PCDHA5: variants seen among roughly 807,000 people sequenced by gnomAD.
PCDHA5 encodes protocadherin alpha-5.
PCDHA5 carries 43 observed loss-of-function variants against 61.6 expected under a neutral mutation model. The ratio of observed to expected loss-of-function variants is 0.70; its 90% confidence interval spans 0.55 to 0.90. PCDHA5 has a LOEUF of 0.90. Ranked by LOEUF, PCDHA5 falls within the 40% of genes least tolerant of loss-of-function variation. The pLI, the probability that PCDHA5 is intolerant of heterozygous loss-of-function variation, is 0.00. For synonymous variants in PCDHA5, 627 were observed against 543.9 expected (o/e 1.15, Z -2.13); for missense variants, 1,298 against 1,222.7 (o/e 1.06, Z -0.92).
chr5:140,854,133 G>A (rs1220974907), intron 1 of PCDHA5: 1 of 410,736 alleles, frequency 2.4e-6, no homozygotes, highest in Non-Finnish European at 3.2e-6. Flanking sequence ...CTGCATTTCA[G>A]CCCGGGTGAC....
chr5:140,860,740 T>G (rs934240513), intron 1 of PCDHA5: 1 of 152,266 alleles, frequency 6.6e-6, no homozygotes, highest in Non-Finnish European at 1.5e-5. Context: ...TTTTGTTTTT[T>G]ATTTTTTATT....
intron 3 of PCDHA5, among the ~76,000 whole-genome samples, chr5:141,002,004 A>G (rs1386748835): frequency 2.0e-5 from 3 of 152,210 alleles, no homozygotes; most frequent in Non-Finnish European, 4.4e-5. Context: ...TTGCAAACAC[A>G]GAATCTGCAC....
At chr5:140,944,046 G>A (rs782798105) in intron 1 of PCDHA5, among the ~76,000 whole-genome samples, 3 of 152,158 alleles carry the variant, frequency 2.0e-5, no homozygotes, top group Non-Finnish European at 4.4e-5. Context: ...AACCAGATTG[G>A]GATACAAAAA....
chr5:140,931,544 A>G (rs1276156656), intron 1 of PCDHA5, among the ~76,000 whole-genome samples: 1 of 152,048 alleles, frequency 6.6e-6, no homozygotes, highest in Non-Finnish European at 1.5e-5. Context: ...TATACTGTTC[A>G]TATGTGCAGG....
intron 1 of PCDHA5, among the ~76,000 whole-genome samples, chr5:140,917,068 G>A (rs2077864221): frequency 6.6e-6 from 1 of 152,066 alleles, no homozygotes; most frequent in African/African-American, 2.4e-5. Flanking sequence ...CGACAGCACC[G>A]AGTTTAATGT....
chr5:141,006,365 C>A, intron 3 of PCDHA5, among the ~76,000 whole-genome samples: 1 of 151,966 alleles, frequency 6.6e-6, no homozygotes, highest in East Asian at 1.9e-4. Flanking sequence ...GCGCCCACCA[C>A]CACGCCCGGC....
intron 1 of PCDHA5, chr5:140,968,168 A>T (rs145694919): frequency 3.1e-6 from 5 of 1,614,098 alleles, no homozygotes; most frequent in Non-Finnish European, 4.2e-6. Context: ...CAATCCACCA[A>T]GCTTCCTGGA....
rs1554128805 is a variant in PCDHA5, at chr5:140,822,664, A to C, written c.889A>C (p.Asn297His). The change falls in exon 1 of 4, where the codon AAT becomes CAT. Residue 297 changes from asparagine to histidine, a missense_variant. By Grantham distance (68) the Asn-to-His change is moderately conservative (BLOSUM62 1). Transcript: ENST00000529859. ...DVKSKFIINS[N>H]TGEIKVNGEL... ...AAAGTCCAAATTTATAATTAATTCTAATACTGGTGAAATAAAAGTTAACGG... is the reference window on the plus strand; with the variant it reads ...AAAGTCCAAATTTATAATTAATTCTCATACTGGTGAAATAAAAGTTAACGG... 1 of 1,608,030 alleles carries C rather than the reference A, an allele frequency of 6.2e-7. No homozygotes were observed. Among genetic ancestry groups the C allele is most frequent in the African/African-American group, 1.3e-5 (1 of 74,702 alleles).
chr5:140,980,949 A>G (rs1187381167), intron 2 of PCDHA5, among the ~76,000 whole-genome samples: 1 of 152,182 alleles, frequency 6.6e-6, no homozygotes, highest in East Asian at 1.9e-4. Context: ...TGGCTCCAGG[A>G]TAGTTACACC....
intron 2 of PCDHA5, among the ~76,000 whole-genome samples, chr5:140,979,837 C>T (rs1554241124): frequency 6.6e-6 from 1 of 152,188 alleles, no homozygotes; most frequent in Non-Finnish European, 1.5e-5. Flanking sequence ...AAGAAATAAT[C>T]TTCAAACTTA....
chr5:140,946,224 C>T (rs1450090999), intron 1 of PCDHA5, among the ~76,000 whole-genome samples: 1 of 151,786 alleles, frequency 6.6e-6, no homozygotes, highest in Non-Finnish European at 1.5e-5. Context: ...AACAGGTATA[C>T]TAAAAAATGC....
chr5:140,831,691 CA>C (rs1278629646), intron 1 of PCDHA5, among the ~76,000 whole-genome samples: 1 of 152,020 alleles, frequency 6.6e-6, no homozygotes, highest in Non-Finnish European at 1.5e-5. Context: ...TGAAAAGCAG[CA>C]AAAAGTAGTG....
Position 140,822,569 on chromosome 5 carries a change from C to T in PCDHA5, c.794C>T (p.Ala265Val). The change falls in exon 1 of 4, where the codon GCC becomes GTC. Residue 265 changes from alanine (A) to valine (V), a missense_variant. Ala to Val is a moderately conservative substitution (Grantham distance 64). Transcript: ENST00000529859. ...PSGTLVIKLN[A>V]SDADEGINKE... is the part of the protein sequence containing the mutation. ...GGGACATTAGTTATTAAACTGAACGCCTCAGATGCAGATGAGGGCATCAAT... is the reference window on the plus strand; with the variant it reads ...GGGACATTAGTTATTAAACTGAACGTCTCAGATGCAGATGAGGGCATCAAT... 6.2e-7 allele frequency: 1 copy of T among 1,612,930 alleles called. No homozygotes were observed. Among genetic ancestry groups the T allele is most frequent in the Non-Finnish European group, 8.5e-7 (1 of 1,179,160 alleles).
intron 1 of PCDHA5, among the ~76,000 whole-genome samples, chr5:140,962,346 TC>T (rs35212677): frequency 6.6e-6 from 1 of 152,108 alleles, no homozygotes; most frequent in Non-Finnish European, 1.5e-5. Flanking sequence ...GAAGTAAAAC[TC>T]CCCCCAATAC....
intron 3 of PCDHA5, among the ~76,000 whole-genome samples, chr5:140,994,520 T>C (rs2097631658): frequency 6.8e-6 from 1 of 147,840 alleles, no homozygotes; most frequent in African/African-American, 2.6e-5. Context: ...CTGGGCAACA[T>C]GGCAAAACCC....
rs2058926605 is a variant in PCDHA5, at chr5:140,882,051, AC to A, written c.2352+57925del. The A allele has an allele frequency of 7.9e-6, 6 of 757,556 alleles. No homozygotes were observed. The Admixed American group carries it at 1.6e-4, about 20-fold the overall frequency. 46.9% of individuals were successfully genotyped at this position (757,556 alleles called of 1,614,324 possible). A position where few individuals can be genotyped will look rare whatever the true frequency, so the allele number is the denominator to read the frequency against. ...AAAATATGAAGACTGAGTCATACTT[AC>A]ACTTACACGTTCATGCGCATGGTGT... On this transcript the variant is annotated intron_variant, in intron 1 of 3. Coordinates refer to ENST00000529859, the MANE Select transcript of PCDHA5 (RefSeq NM_018908.3).
chr5:140,868,603 T>C (rs1554162122), intron 1 of PCDHA5: 2 of 153,246 alleles, frequency 1.3e-5, no homozygotes, highest in Non-Finnish European at 2.9e-5. Flanking sequence ...TAGTTTTTCA[T>C]GAGGCCACCT....
chr5:140,934,236 T>C (rs532427064), intron 1 of PCDHA5, among the ~76,000 whole-genome samples: 1 of 152,290 alleles, frequency 6.6e-6, no homozygotes, highest in South Asian at 2.1e-4. Context: ...TTGTACTTAA[T>C]TGTGGAGATT....
intron 1 of PCDHA5, chr5:140,861,361 T>C: frequency 2.8e-6 from 1 of 352,562 alleles, no homozygotes; most frequent in Admixed American, 3.2e-5. Flanking sequence ...CATAGCGTCT[T>C]CGCGGTCCCT....
Sources: gnomAD v4.1 joint callset for allele counts (sites outside exome capture counted in the v4.1 genomes callset) on GRCh38, gnomAD v4.1.1 for gene constraint, MANE v1.5 for transcripts, NCBI Gene and HGNC (gene_info 2026-07-23, HGNC 2026-07-21) for gene names.